DDX23: variants seen among roughly 807,000 people sequenced by gnomAD.
DDX23 encodes probable ATP-dependent RNA helicase DDX23.
Under a neutral mutation model 102.7 loss-of-function variants are expected in DDX23, and 33 were observed. The ratio of observed to expected loss-of-function variants is 0.32; its 90% CI spans 0.24 to 0.43. The LOEUF (loss-of-function observed/expected upper bound fraction) is 0.43, where lower values mean the gene tolerates loss of function less well. Among genes scored for constraint, DDX23 ranks in the 20% least tolerant of loss-of-function variants. DDX23 has a pLI of 1.00. For missense variants in DDX23, 549 were observed against 1,086.6 expected (o/e 0.51, Z 6.96); for synonymous variants, 352 against 376.0 (o/e 0.94, Z 0.74).
In DDX23 at chr12:48,834,350, G is replaced by A; in HGVS notation, c.1530C>T (p.Asp510=). 6.2e-7 allele frequency: 1 copy of A among 1,614,054 alleles called. No individual in the cohort carries two copies. The highest frequency in any genetic ancestry group is 8.5e-7 in the Non-Finnish European group (1 of 1,180,002). Residue 510 remains aspartate, a synonymous_variant, in exon 12 of 17, where the codon GAC becomes GAT. Transcript: ENST00000308025. ...AACCCATGCGCAGCCTGAAGCCCTG[G>A]TCTTCTCTGGAGATGCCACCAATGA... ...VAVIGGISRE[D]QGFRLRMGCE...
Position 48,836,459 on chromosome 12 carries a change from T to C in DDX23, c.1236+110A>G, listed in dbSNP as rs576415880. ...CCAGAAAGTGACAGAAAAGGTCACA[T>C]TGGTGCCCACTAGCAGCGATGGCTC... On this transcript the variant is annotated intron_variant, in intron 10 of 16. Coordinates refer to ENST00000308025, the MANE Select transcript of DDX23 (RefSeq NM_004818.3). The surrounding 1 kb of genome is among the most constrained non-coding windows in gnomAD (Gnocchi z 6.1). 231 of 1,286,242 alleles carry C rather than the reference T, an allele frequency of 1.8e-4. No individual in the cohort carries two copies. The African/African-American group carries it at 1.8e-3, about 10-fold the overall frequency. The allele number at this position is 1,286,242 out of a possible 1,614,324, so 79.7% of individuals were successfully genotyped here. A position where few individuals can be genotyped will look rare whatever the true frequency, so the allele number is the denominator to read the frequency against.
At chr12:48,838,458 G>C (rs1028500804) in intron 5 of DDX23, among the ~76,000 whole-genome samples, 3 of 151,884 alleles carry the variant, frequency 2.0e-5, no homozygotes, top group Non-Finnish European at 4.4e-5. Flanking sequence ...GCTGAGGCAG[G>C]AAAATCATAT....
intron 2 of DDX23, among the ~76,000 whole-genome samples, chr12:48,844,570 C>T (rs778485944): frequency 5.9e-5 from 9 of 151,294 alleles, no homozygotes; most frequent in Non-Finnish European, 1.3e-4. Context: ...TGAGCCACCG[C>T]GCCCGGCCAC....
At chr12:48,840,866 T>C (rs753947760) in intron 3 of DDX23, among the ~76,000 whole-genome samples, 11 of 151,980 alleles carry the variant, frequency 7.2e-5, no homozygotes, top group Non-Finnish European at 1.5e-4. Context: ...CTTAACTCTT[T>C]AATATACAAT....
Position 48,833,257 on chromosome 12 carries a change from G to GC in DDX23, c.1803+19dup. 1 of 1,613,596 alleles carries GC rather than the reference G, an allele frequency of 6.2e-7. No homozygotes were observed. The highest frequency in any genetic ancestry group is 8.5e-7 in the Non-Finnish European group (1 of 1,179,682). On this transcript the variant is annotated intron_variant, in intron 13 of 16. Coordinates refer to ENST00000308025, the MANE Select transcript of DDX23 (RefSeq NM_004818.3). ...GCCTTGGCCTGTCCAACTTTTCCCAGCCCAGGGAAGCAGCCTTACTTGGCG... is the reference window on the plus strand; with the variant it reads ...GCCTTGGCCTGTCCAACTTTTCCCAGCCCCAGGGAAGCAGCCTTACTTGGCG...
At chr12:48,849,295 G>A (rs528201459) in intron 1 of DDX23, among the ~76,000 whole-genome samples, 3 of 152,184 alleles carry the variant, frequency 2.0e-5, no homozygotes, top group Admixed American at 6.5e-5. Flanking sequence ...CCAGGAGTTC[G>A]AGACCAGCCA....
At chr12:48,843,887 C>A in intron 3 of DDX23, 53 bp downstream of exon 3, 1 of 1,582,024 alleles carries the variant, frequency 6.3e-7, no homozygotes, top group Non-Finnish European at 8.7e-7. Context: ...AACTCAGGTG[C>A]AGAGAAGAAA....
chr12:48,845,831 A>T, intron 1 of DDX23, 49 bp from the exon 2 acceptor site: 1 of 1,578,712 alleles, frequency 6.3e-7, no homozygotes, highest in Non-Finnish European at 8.6e-7. Context: ...ACTGCTCTAA[A>T]CTGCTTATAT....
chr12:48,830,696 G>A lies in DDX23; in HGVS notation c.2240-4C>T. 6.3e-7 allele frequency: 1 copy of A among 1,599,988 alleles called. No individual in the cohort carries two copies. Among genetic ancestry groups the A allele is most frequent in the Non-Finnish European group, 8.5e-7 (1 of 1,172,560 alleles). ...CGGCCAATGCGGTGGATGTAATCTGGGGAATGGGAAGAACGTCACTCAGCA... is the reference window on the plus strand; with the variant it reads ...CGGCCAATGCGGTGGATGTAATCTGAGGAATGGGAAGAACGTCACTCAGCA... On this transcript the variant is annotated splice_region_variant and splice_polypyrimidine_tract_variant and intron_variant, in intron 16 of 16. Transcript: ENST00000308025. The surrounding 1 kb of genome is among the most constrained non-coding windows in gnomAD (Gnocchi z 4.9).
chr12:48,838,896 G>A (rs955243309), intron 5 of DDX23, among the ~76,000 whole-genome samples: 1 of 152,046 alleles, frequency 6.6e-6, no homozygotes, highest in Admixed American at 6.6e-5. Context: ...TATTTTTTGA[G>A]ACAGACTCTC....
At position 48,836,095 on chromosome 12, in the gene DDX23, C is replaced by T; in HGVS notation, c.1382+26G>A. ...CACCTTTCCTACCCAGACAAACCCA[C>T]TCCAGCTGGTGCTAGCTGACCTCAC... On this transcript the variant is annotated intron_variant, in intron 11 of 16. Transcript: ENST00000308025. This position sits in a 1 kb window ranked among gnomAD's most constrained non-coding sequence, Gnocchi z 6.1. 1 of 1,608,904 alleles carries T rather than the reference C, an allele frequency of 6.2e-7. No individual in the cohort carries two copies. The highest frequency in any genetic ancestry group is 1.1e-5 in the South Asian group (1 of 90,926).
intron 2 of DDX23, among the ~76,000 whole-genome samples, chr12:48,844,348 G>A (rs147127181): frequency 1.4e-3 from 217 of 151,734 alleles, no homozygotes; most frequent in Non-Finnish European, 2.4e-3. Flanking sequence ...GTGTGATCTC[G>A]GCTCACTGCA....
chr12:48,837,996 C>G lies in DDX23; in HGVS notation c.565G>C (p.Glu189Gln). Residue 189 changes from glutamate (E) to glutamine (Q), a missense_variant, in exon 6 of 17, where the codon GAA (glutamate) becomes CAA (glutamine). Around this residue, in one of 4 missense-constraint regions of DDX23, gnomAD observed 241 missense variants for 267.0 expected, o/e 0.90. Coordinates refer to ENST00000308025, the MANE Select transcript of DDX23 (RefSeq NM_004818.3). ...QEVEERQRML[E>Q]EERKKRKQFQ... ...TGTTTCCTTTTCTTCCTCTCTTCTTCAAGCATCCTCTGCCGCTCTTCCACC... is the reference window on the plus strand; with the variant it reads ...TGTTTCCTTTTCTTCCTCTCTTCTTGAAGCATCCTCTGCCGCTCTTCCACC... The G allele has an allele frequency of 6.2e-7, 1 of 1,614,078 alleles. No individual in the cohort carries two copies. Among genetic ancestry groups the G allele is most frequent in the East Asian group, 2.2e-5 (1 of 44,878 alleles).
Position 48,836,330 on chromosome 12 carries a change from A to G in DDX23, c.1237-64T>C. On this transcript the variant is annotated intron_variant, in intron 10 of 16. Transcript: ENST00000308025. The surrounding 1 kb of genome is among the most constrained non-coding windows in gnomAD (Gnocchi z 6.1). ...AGTTATACCACCTGGGCAACCACTG[A>G]TAGTAGTAAGCACATCTGCTAGCAC... 1 of 1,569,098 alleles carries G rather than the reference A, an allele frequency of 6.4e-7. No individual in the cohort carries two copies. The highest frequency in any genetic ancestry group is 8.8e-7 in the Non-Finnish European group (1 of 1,141,384).
intron 12 of DDX23, 174 bp from the exon 13 acceptor site, chr12:48,833,693 C>CAGTT: frequency 1.3e-6 from 1 of 770,588 alleles, no homozygotes; most frequent in Non-Finnish European, 2.0e-6. Context: ...CACTTGTTGC[C>CAGTT]TGGATTTTCT....
intron 6 of DDX23, 37 bp downstream of exon 6, chr12:48,837,905 C>T (rs1938487654): frequency 6.2e-7 from 1 of 1,611,594 alleles, no homozygotes; most frequent in Non-Finnish European, 8.5e-7. Context: ...ACTCTTTCCT[C>T]TTCCATCTAG....
chr12:48,832,986 T>C lies in DDX23; in HGVS notation c.1803+291A>G. 2.1e-6 allele frequency: 1 copy of C among 471,200 alleles called. No homozygotes were observed. 29.2% of individuals were successfully genotyped at this position (471,200 alleles called of 1,614,324 possible). Reference sequence around the variant, plus strand: ...AGGAGGTTGGCAACCTTGTACAACTTTTCTTTTTTTTTGAGACAGGGCCTC... The same window carrying C: ...AGGAGGTTGGCAACCTTGTACAACTCTTCTTTTTTTTTGAGACAGGGCCTC... On this transcript the variant is annotated intron_variant, in intron 13 of 16. Transcript: ENST00000308025. This position sits in a 1 kb window ranked among gnomAD's most constrained non-coding sequence, Gnocchi z 4.4.
chr12:48,840,941 T>C (rs1347298252), intron 3 of DDX23, among the ~76,000 whole-genome samples: 2 of 152,160 alleles, frequency 1.3e-5, no homozygotes, highest in Non-Finnish European at 2.9e-5. Flanking sequence ...TCCCTCATCA[T>C]TTTTCATTCC....
Position 48,829,765 on chromosome 12 carries a change from T to G in DDX23, c.*704A>C. ...TAACTAGAACTAGATCTAACAGTCT[T>G]AATATTCATGTATTTATTCTCAGAA... is the stretch of plus-strand genomic sequence containing the variant. On this transcript the variant is annotated 3_prime_UTR_variant, in exon 17 of 17. Transcript: ENST00000308025. 1 of 198,858 alleles carries G rather than the reference T, an allele frequency of 5.0e-6. No individual in the cohort carries two copies. Among genetic ancestry groups the G allele is most frequent in the South Asian group, 9.5e-5 (1 of 10,478 alleles). The allele number at this position is 198,858 out of a possible 1,614,324, so 12.3% of individuals were successfully genotyped here. A position where few individuals can be genotyped will look rare whatever the true frequency, so the allele number is the denominator to read the frequency against.
Sources: gnomAD v4.1 joint callset for allele counts (sites outside exome capture counted in the v4.1 genomes callset) on GRCh38, gnomAD v4.1.1 for gene constraint, gnomAD v4.1.1 regional missense constraint, Gnocchi (gnomAD v3.1) non-coding constraint, MANE v1.5 for transcripts, NCBI Gene and HGNC (gene_info 2026-07-23, HGNC 2026-07-21) for gene names.